Variants in LLGL1 observed in about 807,000 individuals in gnomAD.
LLGL1 encodes lethal(2) giant larvae protein homolog 1.
A neutral mutation model predicts 110.6 loss-of-function variants in LLGL1; 58 were observed. The observed-to-expected ratio is 0.52, with a 90% CI of 0.42 to 0.65. LLGL1 has a LOEUF of 0.65. Ranked by LOEUF, LLGL1 falls within the 30% of genes least tolerant of loss-of-function variation. The pLI is 0.00. For missense variants in LLGL1, 1,229 were observed against 1,462.1 expected, an observed-to-expected ratio of 0.84 and a Z score of 2.60; for synonymous variants, 674 against 607.2, an observed-to-expected ratio of 1.11 and a Z score of -1.62.
At chr17:18,234,436 G>C in intron 7 of LLGL1, 28 bp downstream of exon 7, 2 of 1,606,580 alleles carry the variant, frequency 1.2e-6, no homozygotes, top group Non-Finnish European at 1.7e-6. Flanking sequence ...CTTAGCCAGA[G>C]GGTGGTGATG....
Position 18,244,736 on chromosome 17 carries a change from A to AG in LLGL1, c.*840dup, listed in dbSNP as rs1567700333. The AG allele has an allele frequency of 9.8e-5, 1 of 10,212 alleles. No homozygotes were observed. Among genetic ancestry groups the AG allele is most frequent in the African/African-American group, 3.4e-4 (1 of 2,942 alleles). 0.6% of individuals were successfully genotyped at this position (10,212 alleles called of 1,614,324 possible). The stretch of plus-strand genomic sequence containing the variant: ...TGTGTGTCCGGCGGGGGGGGGGGGC[A>AG]GGGGGGGGGGTCAAGATGAGTTTCC... On this transcript the variant is annotated 3_prime_UTR_variant, in exon 23 of 23. Coordinates refer to ENST00000316843, the MANE Select transcript of LLGL1 (RefSeq NM_004140.4).
At chr17:18,229,343 G>A (rs2047519018) in intron 1 of LLGL1, among the ~76,000 whole-genome samples, 1 of 152,154 alleles carries the variant, frequency 6.6e-6, no homozygotes, top group Non-Finnish European at 1.5e-5. Context: ...GTGGGAGGAT[G>A]CCTTCGGGGT....
chr17:18,237,590 T>C lies in LLGL1; in HGVS notation c.1721T>C (p.Leu574Pro). 6.2e-7 allele frequency: 1 copy of C among 1,610,654 alleles called. No individual in the cohort carries two copies. The highest frequency in any genetic ancestry group is 8.5e-7 in the Non-Finnish European group (1 of 1,179,544). ...EGFTWKGHER[L>P]SPRTGPLPWP... ...TTCACATGGAAGGGCCACGAGCGGC[T>C]GAGCCCACGCACGGGGCCGCTGCCC... The change falls in exon 14 of 23, where the codon CTG (leucine) becomes CCG (proline). Residue 574 changes from leucine (L) to proline (P), a missense_variant. Leu to Pro is a moderately conservative substitution (Grantham distance 98, BLOSUM62 -3). Transcript: ENST00000316843.
chr17:18,238,165 G>A lies in LLGL1; in HGVS notation c.2003G>A (p.Arg668His), dbSNP rs531828914. 34 of 1,613,206 alleles carry A rather than the reference G, an allele frequency of 2.1e-5. No individual in the cohort carries two copies. The highest frequency in any genetic ancestry group is 5.0e-5 in the Admixed American group (3 of 60,026). ...CTGCGCCAGTCTTTCCGGCGCATTC[G>A]CAAGAGTCGTGTCTCTGGCAAGAAG... Reference protein sequence around the residue: ...KSLRQSFRRIRKSRVSGKKRA... With the variant: ...KSLRQSFRRIHKSRVSGKKRA... The change falls in exon 15 of 23, where the codon CGC becomes CAC. Residue 668 changes from arginine to histidine, a missense_variant. Transcript: ENST00000316843.
At chr17:18,238,664 T>C (rs576331406) in intron 16 of LLGL1, 55 bp downstream of exon 16, 10 of 1,542,944 alleles carry the variant, frequency 6.5e-6, no homozygotes, top group East Asian at 2.3e-5. Flanking sequence ...CTGGCCTCAA[T>C]TGGCCACCTG....
At chr17:18,237,823 G>A in intron 14 of LLGL1, 50 bp downstream of exon 14, 1 of 1,553,292 alleles carries the variant, frequency 6.4e-7, no homozygotes, top group Admixed American at 1.8e-5. Flanking sequence ...GCGAGATGGG[G>A]TCTGGGCTTC....
rs758352284 is a variant in LLGL1 at position 18,241,996 on chromosome 17, C to A, written c.2879C>A (p.Ala960Asp). The A allele has an allele frequency of 1.3e-5, 21 of 1,612,462 alleles. No individual in the cohort carries two copies. The highest frequency in any genetic ancestry group is 6.7e-5 in the African/African-American group (5 of 74,838). The stretch of plus-strand genomic sequence containing the variant: ...AACTGGCCCCGCGATGCCACCCAGG[C>A]CAGGTGTGTGGAGGGGCAGCTCCTA... ...DINWPRDATQ[A>D]SYRIRESPKL... Residue 960 changes from alanine (A) to aspartate (D), a missense_variant, in exon 19 of 23, where the codon GCC (alanine) becomes GAC (aspartate). Ala to Asp is a moderately radical substitution (Grantham distance 126, BLOSUM62 -2). Coordinates refer to ENST00000316843, the MANE Select transcript of LLGL1 (RefSeq NM_004140.4).
In LLGL1 at chr17:18,241,265, G is replaced by C. The variant is rs1019077826; in HGVS notation, c.2503-186G>C. The stretch of plus-strand genomic sequence containing the variant: ...TGTCACAGATCGAGAGAGGGCCTGG[G>C]AGGTTTCTGGAGTACAGTGTGAAGT... On this transcript the variant is annotated intron_variant, in intron 17 of 22. Transcript: ENST00000316843. 3 of 677,116 alleles carry C rather than the reference G, an allele frequency of 4.4e-6. No individual in the cohort carries two copies. The South Asian group carries it at 5.8e-5, about 13-fold the overall frequency. The allele number at this position is 677,116 out of a possible 1,614,324, so 41.9% of individuals were successfully genotyped here. A position where few individuals can be genotyped will look rare whatever the true frequency, so the allele number is the denominator to read the frequency against.
In LLGL1 at chr17:18,237,500, G is replaced by C. The variant is rs748514739; in HGVS notation, c.1631G>C (p.Ser544Thr). The change falls in exon 14 of 23, where the codon AGT becomes ACT. Residue 544 changes from serine to threonine, a missense_variant. Transcript: ENST00000316843. ...GCTCAGGTGCTGGTACTGGAGCTTA[G>C]TGATGTGCCGGTGGAGCAGGCGGTC... The part of the protein sequence containing the change: ...TAGQVLVLEL[S>T]DVPVEQAVSV... 5.6e-6 allele frequency: 9 copies of C among 1,593,324 alleles called. No individual in the cohort carries two copies. Among genetic ancestry groups the C allele is most frequent in the Non-Finnish European group, 6.9e-6 (8 of 1,167,086 alleles).
intron 11 of LLGL1, 118 bp downstream of exon 11, chr17:18,235,655 G>A: frequency 1.0e-6 from 1 of 966,760 alleles, no homozygotes; most frequent in Non-Finnish European, 1.5e-6. Context: ...GTGGGACCAG[G>A]TAGTTCCTCC....
intron 11 of LLGL1, 47 bp downstream of exon 11, chr17:18,235,584 G>T (rs1173561334): frequency 6.3e-7 from 1 of 1,586,788 alleles, no homozygotes; most frequent in East Asian, 2.2e-5. Context: ...TGCTGTTGGG[G>T]GAGAGCCCAT....
chr17:18,240,458 T>G lies in LLGL1; in HGVS notation c.2207-120T>G. On this transcript the variant is annotated intron_variant, in intron 16 of 22. Coordinates refer to ENST00000316843, the MANE Select transcript of LLGL1 (RefSeq NM_004140.4). The surrounding 1 kb of genome is among the most constrained non-coding windows in gnomAD (Gnocchi z 5.3). ...AGGGAATCAGCCCTGAGTCCCAGGG[T>G]GTCATAGTTAGGAAGCAGGGCTACA... The G allele has an allele frequency of 8.4e-7, 1 of 1,195,590 alleles. No homozygotes were observed. The highest frequency in any genetic ancestry group is 1.2e-6 in the Non-Finnish European group (1 of 863,834). The allele number at this position is 1,195,590 out of a possible 1,614,324, so 74.1% of individuals were successfully genotyped here.
rs377097343 is a variant in LLGL1, at chr17:18,235,040, C to T, written c.1060+47C>T. 19 of 1,613,788 alleles carry T rather than the reference C, an allele frequency of 1.2e-5. No individual in the cohort carries two copies. In the African/African-American group the frequency reaches 1.5e-4, roughly 12 times the overall value. On this transcript the variant is annotated intron_variant, in intron 9 of 22. Coordinates refer to ENST00000316843, the MANE Select transcript of LLGL1 (RefSeq NM_004140.4). ...ACCCTTTCCCAGCCCCACCTGGTGC[C>T]CTCTGCCACCTATGGCTGTGCTCAC...
chr17:18,235,646 T>C, intron 11 of LLGL1, 109 bp downstream of exon 11: 1 of 1,051,770 alleles, frequency 9.5e-7, no homozygotes, highest in South Asian at 1.5e-5. Context: ...TGGCCCCTGG[T>C]GGGACCAGGT....
chr17:18,228,981 CTG>C (rs2047510584), intron 1 of LLGL1, among the ~76,000 whole-genome samples: 1 of 152,126 alleles, frequency 6.6e-6, no homozygotes, highest in Non-Finnish European at 1.5e-5. Context: ...AGGCTGGGAA[CTG>C]GGGTTTCTTA....
At chr17:18,227,751 G>A (rs985653341) in intron 1 of LLGL1, among the ~76,000 whole-genome samples, 3 of 152,210 alleles carry the variant, frequency 2.0e-5, no homozygotes, top group Non-Finnish European at 4.4e-5. Context: ...GACAGATGGG[G>A]GTGAAGCTCA....
chr17:18,239,762 T>G (rs1002924035), intron 16 of LLGL1, among the ~76,000 whole-genome samples: 8 of 151,420 alleles, frequency 5.3e-5, no homozygotes, highest in African/African-American at 9.7e-5. Flanking sequence ...TGACTTTTTG[T>G]TTTTTTTGAC....
chr17:18,235,352 T>C (rs1414254121), intron 10 of LLGL1, 40 bp downstream of exon 10: 3 of 1,606,022 alleles, frequency 1.9e-6, no homozygotes, highest in Non-Finnish European at 2.6e-6. Context: ...GGGTGGAGTC[T>C]TGAGGAGGGG....
rs1448292242 is a variant in LLGL1, at chr17:18,236,954, C to T, written c.1611+15C>T. 1 of 1,600,380 alleles carries T rather than the reference C, an allele frequency of 6.2e-7. No individual in the cohort carries two copies. The highest frequency in any genetic ancestry group is 8.5e-7 in the Non-Finnish European group (1 of 1,170,490). ...CTGCAGGCCAGGTAGGGCTGGGTGT[C>T]CCCTGGGTTGGAGATGTCAGGGAGG... On this transcript the variant is annotated intron_variant, in intron 13 of 22. Transcript: ENST00000316843.
Sources: gnomAD v4.1 joint callset for allele counts (sites outside exome capture counted in the v4.1 genomes callset) on GRCh38, gnomAD v4.1.1 for gene constraint, Gnocchi (gnomAD v3.1) non-coding constraint, MANE v1.5 for transcripts, NCBI Gene and HGNC (gene_info 2026-07-23, HGNC 2026-07-21) for gene names.